ZBTB20: variants seen among roughly 807,000 people sequenced by gnomAD.
The protein encoded by ZBTB20 is zinc finger and BTB domain containing 20.
ZBTB20 carries 9 observed loss-of-function variants against 56.9 expected under a neutral mutation model. The observed-to-expected ratio is 0.16, with a 90% CI of 0.10 to 0.28. The LOEUF is 0.28. Ranked by LOEUF, ZBTB20 falls within the 10% of genes least tolerant of loss-of-function variation. The probability of loss-of-function intolerance (pLI) is 1.00; values close to 1 mark genes in which losing one functional copy is unlikely to be tolerated. For missense variants in ZBTB20, 655 were observed against 1,003.0 expected (o/e 0.65, Z 4.69); for synonymous variants, 417 against 420.7 (o/e 0.99, Z 0.11).
At chr3:114,926,193 A>G (rs929831095) in intron 3 of ZBTB20, among the ~76,000 whole-genome samples, 1 of 152,194 alleles carries the variant, frequency 6.6e-6, no homozygotes, top group Non-Finnish European at 1.5e-5. Flanking sequence ...CTTGGAGTTA[A>G]ATTGTCCCAT....
chr3:114,411,628 G>C lies in ZBTB20; in HGVS notation c.-254-22523C>G, dbSNP rs918719662. Among the ~76,000 whole-genome samples, 8 of 152,228 alleles carry C rather than the reference G, an allele frequency of 5.3e-5. No individual in the cohort carries two copies. In the South Asian group the frequency reaches 1.7e-3, roughly 32 times the overall value. On this transcript the variant is annotated intron_variant, in intron 7 of 11. Transcript: ENST00000675478. ...GCTGGTGAAAGGCAGGGGTGTAATG[G>C]ATCAGGGAGCTGAAATACAATGATC...
chr3:114,908,805 T>C lies in ZBTB20; in HGVS notation c.-455-8463A>G, dbSNP rs56991208. ...GAAATAAAATTGTCATTAAAATTAA[T>C]ATCTGAAGTGAGAATTTATCATATT... is the stretch of plus-strand genomic sequence containing the variant. On this transcript the variant is annotated intron_variant, in intron 3 of 11. Coordinates refer to ENST00000675478, the MANE Select transcript of ZBTB20 (RefSeq NM_001348800.3). Among the ~76,000 whole-genome samples, 167 of 152,020 alleles carry C rather than the reference T, an allele frequency of 1.1e-3. No homozygotes were observed. In the East Asian group the frequency reaches 0.031, roughly 29 times the overall value.
chr3:114,917,222 A>G (rs2075780393), intron 3 of ZBTB20, among the ~76,000 whole-genome samples: 1 of 152,140 alleles, frequency 6.6e-6, no homozygotes, highest in African/African-American at 2.4e-5. Context: ...TGATTCTTAA[A>G]AATTGTGTCA....
intron 3 of ZBTB20, among the ~76,000 whole-genome samples, chr3:114,953,630 T>G (rs564937392): frequency 6.6e-6 from 1 of 152,004 alleles, no homozygotes; most frequent in Non-Finnish European, 1.5e-5. Context: ...CATCATATAA[T>G]GTTGAAGAGT....
At chr3:114,433,846 A>T (rs1156566084) in intron 7 of ZBTB20, among the ~76,000 whole-genome samples, 2 of 152,168 alleles carry the variant, frequency 1.3e-5, no homozygotes. Context: ...ACATACTGAA[A>T]TGACTCAATG....
intron 1 of ZBTB20, among the ~76,000 whole-genome samples, chr3:115,142,376 A>G (rs1010941134): frequency 6.6e-6 from 1 of 152,122 alleles, no homozygotes; most frequent in East Asian, 1.9e-4. Context: ...AAAAAATTCA[A>G]CTGAGGCTGG....
intron 6 of ZBTB20, among the ~76,000 whole-genome samples, chr3:114,664,749 A>G (rs531575058): frequency 6.6e-6 from 1 of 152,164 alleles, no homozygotes; most frequent in South Asian, 2.1e-4. Context: ...GTTTTTGTGT[A>G]ATATCACAAA....
intron 5 of ZBTB20, among the ~76,000 whole-genome samples, chr3:114,792,593 T>G (rs1406973223): frequency 6.6e-6 from 1 of 152,148 alleles, no homozygotes; most frequent in South Asian, 2.1e-4. Context: ...ACAGTAAGAG[T>G]TGGCTTTAGA....
At chr3:115,042,451 G>C (rs935678793) in intron 2 of ZBTB20, among the ~76,000 whole-genome samples, 1 of 152,122 alleles carries the variant, frequency 6.6e-6, no homozygotes, top group Non-Finnish European at 1.5e-5. Context: ...AAAAAGAATA[G>C]AGCTCATTTT....
chr3:114,593,444 G>A (rs2055998106), intron 6 of ZBTB20, among the ~76,000 whole-genome samples: 1 of 150,680 alleles, frequency 6.6e-6, no homozygotes, highest in African/African-American at 2.5e-5. Context: ...GAGTGCAATG[G>A]CGTGATCTCG....
chr3:114,959,718 CAT>C lies in ZBTB20; in HGVS notation c.-456+14646_-456+14647del, dbSNP rs376988716. Among the ~76,000 whole-genome samples, 1,095 of 109,842 alleles carry C rather than the reference CAT, an allele frequency of 1.0e-2. 15 individuals carry two copies. The highest frequency in any genetic ancestry group is 0.038 in the African/African-American group (993 of 25,952). The allele number at this position is 109,842 out of a possible 152,430, so 72.1% of individuals were successfully genotyped here. ...ACACACACACATCTATATTTATATA[CAT>C]ACACACACACACACACACACACACA... On this transcript the variant is annotated intron_variant, in intron 3 of 11. Transcript: ENST00000675478.
At chr3:114,646,698 T>C (rs2059859346) in intron 6 of ZBTB20, among the ~76,000 whole-genome samples, 2 of 152,214 alleles carry the variant, frequency 1.3e-5, no homozygotes, top group South Asian at 2.1e-4. Flanking sequence ...AGCCCTATTT[T>C]GTTTAGTTAC....
chr3:114,924,879 TG>T (rs2076092816), intron 3 of ZBTB20, among the ~76,000 whole-genome samples: 1 of 152,018 alleles, frequency 6.6e-6, no homozygotes, highest in Admixed American at 6.6e-5. Context: ...TTAAGTTCAA[TG>T]ACTTTTCCTT....
intron 11 of ZBTB20, 68 bp downstream of exon 11, chr3:114,350,206 C>A: frequency 1.3e-6 from 2 of 1,534,316 alleles, no homozygotes; most frequent in African/African-American, 1.4e-5. Flanking sequence ...TCTACCTGCT[C>A]TCTTACCTTG....
intron 5 of ZBTB20, among the ~76,000 whole-genome samples, chr3:114,702,414 TTGTG>T (rs148167646): frequency 1.3e-5 from 2 of 151,940 alleles, no homozygotes; most frequent in East Asian, 3.9e-4. Flanking sequence ...ATGTGTGTGT[TTGTG>T]TGTGTGTGTC....
At chr3:114,481,276 A>AAC (rs1553725654) in intron 7 of ZBTB20, among the ~76,000 whole-genome samples, 3 of 151,486 alleles carry the variant, frequency 2.0e-5, no homozygotes, top group East Asian at 1.9e-4. Flanking sequence ...AAAAAAAAAA[A>AAC]AAACCTCATT....
At chr3:115,040,324 A>T (rs1266832535) in intron 2 of ZBTB20, among the ~76,000 whole-genome samples, 1 of 152,116 alleles carries the variant, frequency 6.6e-6, no homozygotes, top group Non-Finnish European at 1.5e-5. Context: ...ACACCCAAAA[A>T]TAATCATTTT....
At chr3:114,420,553 T>A (rs2718420) in intron 7 of ZBTB20, among the ~76,000 whole-genome samples, 138,864 of 152,104 alleles carry the variant, frequency 0.91, 64,732 homozygotes, top group East Asian at 1. Context: ...TTTGTCTGAC[T>A]CTTCTCTGGT....
At chr3:114,875,165 T>C (rs1243912999) in intron 4 of ZBTB20, among the ~76,000 whole-genome samples, 1 of 152,186 alleles carries the variant, frequency 6.6e-6, no homozygotes, top group Admixed American at 6.5e-5. Flanking sequence ...GAAGAACTGA[T>C]TAGCACTTTG....
Sources: allele counts gnomAD v4.1 joint callset (sites outside exome capture counted in the v4.1 genomes callset), GRCh38; gene constraint gnomAD v4.1.1; transcripts MANE v1.5; gene names NCBI Gene and HGNC (gene_info 2026-07-23, HGNC 2026-07-21).